The following PPP1R12A variants were observed in gnomAD, a reference collection of about 807,000 sequenced individuals.
The protein encoded by PPP1R12A is myosin binding subunit.
Under a neutral mutation model 139.6 loss-of-function variants are expected in PPP1R12A, and 19 were observed. The observed-to-expected ratio is 0.14, with a 90% CI of 0.09 to 0.20. The LOEUF (loss-of-function observed/expected upper bound fraction) is 0.20. PPP1R12A is among the 10% of genes least tolerant of loss of function. PPP1R12A has a pLI of 1.00. For missense variants in PPP1R12A, 925 were observed against 1,211.5 expected (o/e 0.76, Z 3.51); for synonymous variants, 427 against 420.6 (o/e 1.02, Z -0.19).
In PPP1R12A at chr12:79,863,644, C is replaced by CA. The variant is rs61530316; in HGVS notation, c.368+9163dup. 2.5e-3 allele frequency among the ~76,000 whole-genome samples: 136 copies of CA among 55,332 alleles called. 7 individuals are homozygous for CA. The highest frequency in any genetic ancestry group is 5.4e-3 in the East Asian group (7 of 1,286). 36.3% of individuals were successfully genotyped at this position (55,332 alleles called of 152,430 possible). A position where few individuals can be genotyped will look rare whatever the true frequency, so the allele number is the denominator to read the frequency against. On this transcript the variant is annotated intron_variant, in intron 2 of 24. Transcript: ENST00000450142. ...GAAGATCTACCAAGCAAATTGAAAG[C>CA]AAAAAAAAAAAAAAAAAAAAAAAAA...
At chr12:79,789,647 C>A in intron 20 of PPP1R12A, 1 of 454,312 alleles carries the variant, frequency 2.2e-6, no homozygotes, top group Non-Finnish European at 4.4e-6. Flanking sequence ...ATAGAATCAT[C>A]AGTAGACAGA....
At chr12:79,791,201 A>T (rs528731097) in intron 19 of PPP1R12A, among the ~76,000 whole-genome samples, 1 of 152,348 alleles carries the variant, frequency 6.6e-6, no homozygotes, top group Admixed American at 6.5e-5. Flanking sequence ...TCTACATATC[A>T]AACAAAAATA....
intron 1 of PPP1R12A, among the ~76,000 whole-genome samples, chr12:79,880,272 C>T (rs966258771): frequency 1.3e-5 from 2 of 152,010 alleles, no homozygotes; most frequent in African/African-American, 2.4e-5. Flanking sequence ...AGGGTCCATA[C>T]GGGTCCCTAC....
At chr12:79,893,938 T>A (rs563089557) in intron 1 of PPP1R12A, among the ~76,000 whole-genome samples, 1 of 152,316 alleles carries the variant, frequency 6.6e-6, no homozygotes, top group African/African-American at 2.4e-5. Context: ...TTATCACTGC[T>A]GCTCCTGAAT....
In PPP1R12A at chr12:79,788,770, A is replaced by C; in HGVS notation, c.2680T>G (p.Ser894Ala). 1 of 1,605,762 alleles carries C rather than the reference A, an allele frequency of 6.2e-7. No homozygotes were observed. The highest frequency in any genetic ancestry group is 8.5e-7 in the Non-Finnish European group (1 of 1,175,872). Residue 894 changes from serine (S) to alanine (A), a missense_variant, in exon 21 of 25, where the codon TCT becomes GCT. Coordinates refer to ENST00000450142, the MANE Select transcript of PPP1R12A (RefSeq NM_002480.3). Reference protein sequence around the residue: ...TDSISRYETSSTSAGDRYDSL... With the variant: ...TDSISRYETSATSAGDRYDSL... ...TCATATCGATCACCAGCTGATGTAG[A>C]ACTGGTTTCATATCTTCAAAAGATT...
At chr12:79,888,873 G>C (rs1033438227) in intron 1 of PPP1R12A, among the ~76,000 whole-genome samples, 3 of 151,988 alleles carry the variant, frequency 2.0e-5, no homozygotes, top group Non-Finnish European at 4.4e-5. Context: ...AGCAGCAAAA[G>C]GTAAAATAAC....
rs1028757195 is a variant in PPP1R12A, at chr12:79,788,639, C to G, written c.2802+9G>C. ...CTTTTTATTAAATATAACTAAATAA[C>G]CCAAGTACCTTTTTAAAGTCAGTTG... is the stretch of plus-strand genomic sequence containing the variant. On this transcript the variant is annotated intron_variant, in intron 21 of 24. Transcript: ENST00000450142. 1.2e-6 allele frequency: 2 copies of G among 1,603,178 alleles called. No homozygotes were observed. Among genetic ancestry groups the G allele is most frequent in the Non-Finnish European group, 1.7e-6 (2 of 1,175,806 alleles).
At chr12:79,896,722 T>C (rs865835347) in intron 1 of PPP1R12A, among the ~76,000 whole-genome samples, 1 of 152,220 alleles carries the variant, frequency 6.6e-6, no homozygotes, top group Non-Finnish European at 1.5e-5. Context: ...CCCCCACTTA[T>C]TGCAAAGATG....
chr12:79,930,728 C>T (rs562478212), intron 1 of PPP1R12A, among the ~76,000 whole-genome samples: 31 of 152,078 alleles, frequency 2.0e-4, no homozygotes, highest in Non-Finnish European at 3.4e-4. Flanking sequence ...GCCAAGATAG[C>T]GCCATTGCAC....
At chr12:79,879,136 T>G (rs577631520) in intron 1 of PPP1R12A, among the ~76,000 whole-genome samples, 2 of 152,228 alleles carry the variant, frequency 1.3e-5, no homozygotes, top group South Asian at 2.1e-4. Flanking sequence ...TCCCAACACC[T>G]TGGGAGGCTG....
chr12:79,793,501 C>T (rs1326556737), intron 19 of PPP1R12A, among the ~76,000 whole-genome samples: 1 of 152,160 alleles, frequency 6.6e-6, no homozygotes, highest in Non-Finnish European at 1.5e-5. Flanking sequence ...TAGATATTTT[C>T]CTTTGGCCAA....
chr12:79,872,330 C>T (rs1377152707), intron 2 of PPP1R12A, among the ~76,000 whole-genome samples: 6 of 152,112 alleles, frequency 3.9e-5, no homozygotes, highest in African/African-American at 1.4e-4. Context: ...GTAGAGAATA[C>T]AATGACTATT....
At chr12:79,783,151 A>T in intron 22 of PPP1R12A, among the ~76,000 whole-genome samples, 1 of 152,062 alleles carries the variant, frequency 6.6e-6, no homozygotes, top group Non-Finnish European at 1.5e-5. Context: ...CTTGTGAGAA[A>T]TTCAGTTCAG....
intron 2 of PPP1R12A, among the ~76,000 whole-genome samples, chr12:79,854,626 TTCTC>T (rs1180108093): frequency 6.6e-6 from 1 of 152,210 alleles, no homozygotes; most frequent in Non-Finnish European, 1.5e-5. Context: ...TTTGTGTGAT[TTCTC>T]TCTATGACTC....
chr12:79,890,891 CCACCCACACCCACCCACACA>C (rs1229811686), intron 1 of PPP1R12A, among the ~76,000 whole-genome samples: 40 of 99,600 alleles, frequency 4.0e-4, no homozygotes, highest in African/African-American at 1.6e-3. Flanking sequence ...CACACACCAC[CCACCCACACCCACCCACACA>C]CACACACACA....
chr12:79,845,286 T>A lies in PPP1R12A; in HGVS notation c.487+16A>T, dbSNP rs181929916. 240 of 1,559,790 alleles carry A rather than the reference T, an allele frequency of 1.5e-4. No individual in the cohort carries two copies. In the African/African-American group the frequency reaches 2.7e-3, roughly 17 times the overall value. ...TTTCTAAAACATTTTTCCATTTAGG[T>A]TGCTTTTTATTTTACCTTGCCGATT... On this transcript the variant is annotated intron_variant, in intron 3 of 24. Transcript: ENST00000450142.
intron 14 of PPP1R12A, among the ~76,000 whole-genome samples, chr12:79,803,654 CA>C (rs1212710620): frequency 6.6e-6 from 1 of 152,076 alleles, no homozygotes; most frequent in Non-Finnish European, 1.5e-5. Flanking sequence ...TTCAAGATTG[CA>C]AACAATTATT....
In PPP1R12A at chr12:79,796,676, A is replaced by G. The variant is rs2596798; in HGVS notation, c.2461+106T>C. On this transcript the variant is annotated intron_variant, in intron 17 of 24. Transcript: ENST00000450142. ...TCTTTCTGTTTAGGTTCGATGAATCACAAGTTAGGATGCTGTTCCTTTACT... is the reference window on the plus strand; with the variant it reads ...TCTTTCTGTTTAGGTTCGATGAATCGCAAGTTAGGATGCTGTTCCTTTACT... 1.9e-3 allele frequency: 1,745 copies of G among 907,846 alleles called. 25 individuals are homozygous for G. The African/African-American group carries it at 0.027, about 14-fold the overall frequency. 56.2% of individuals were successfully genotyped at this position (907,846 alleles called of 1,614,324 possible).
chr12:79,851,021 T>G (rs1416838918), intron 2 of PPP1R12A, among the ~76,000 whole-genome samples: 1 of 152,206 alleles, frequency 6.6e-6, no homozygotes, highest in Non-Finnish European at 1.5e-5. Flanking sequence ...AGTGCAAGAT[T>G]GGACTAATAC....
Sources: gnomAD v4.1 joint callset for allele counts (sites outside exome capture counted in the v4.1 genomes callset) on GRCh38, gnomAD v4.1.1 for gene constraint, MANE v1.5 for transcripts, NCBI Gene and HGNC (gene_info 2026-07-23, HGNC 2026-07-21) for gene names.